Variants in TTC29 observed in about 807,000 individuals in gnomAD.
TTC29 encodes the protein tetratricopeptide repeat protein 29.
Under a neutral mutation model 58.1 loss-of-function variants are expected in TTC29, and 49 were observed. The ratio of observed to expected loss-of-function variants is 0.84; its 90% CI spans 0.67 to 1.07. The LOEUF is 1.07. Ranked by LOEUF, TTC29 falls within the 50% of genes least tolerant of loss-of-function variation. The probability of loss-of-function intolerance (pLI) is 0.00; values close to 1 mark genes in which losing one functional copy is unlikely to be tolerated. For missense variants in TTC29, 582 were observed against 555.6 expected, an observed-to-expected ratio of 1.05 and a Z score of -0.48; for synonymous variants, 209 against 196.8, an observed-to-expected ratio of 1.06 and a Z score of -0.52.
intron 11 of TTC29, among the ~76,000 whole-genome samples, chr4:146,761,908 C>A (rs185767146): frequency 6.6e-6 from 1 of 151,760 alleles, no homozygotes; most frequent in South Asian, 2.1e-4. Flanking sequence ...GCCTTTGTGA[C>A]GGACATTCTT....
chr4:146,905,721 A>G (rs62328049), intron 5 of TTC29, among the ~76,000 whole-genome samples: 1 of 151,992 alleles, frequency 6.6e-6, no homozygotes, highest in Non-Finnish European at 1.5e-5. Context: ...CTTAAAAAGA[A>G]GATTCTACAA....
At chr4:146,803,327 A>G in intron 11 of TTC29, 130 bp downstream of exon 11, 1 of 662,368 alleles carries the variant, frequency 1.5e-6, no homozygotes, top group Non-Finnish European at 2.6e-6. Context: ...TCATGTAGTA[A>G]TGGATCCATA....
At chr4:146,797,603 G>A (rs945400389) in intron 11 of TTC29, among the ~76,000 whole-genome samples, 3 of 150,764 alleles carry the variant, frequency 2.0e-5, no homozygotes, top group African/African-American at 7.3e-5. Context: ...GATCTTTCTG[G>A]TTTTTTTTGT....
At chr4:146,892,083 G>A (rs1455834392) in intron 6 of TTC29, among the ~76,000 whole-genome samples, 1 of 152,120 alleles carries the variant, frequency 6.6e-6, no homozygotes, top group East Asian at 1.9e-4. Flanking sequence ...TGTTGGAGGA[G>A]GTATCTGGTG....
At chr4:146,817,088 T>G (rs553299568) in intron 10 of TTC29, among the ~76,000 whole-genome samples, 115 of 152,218 alleles carry the variant, frequency 7.6e-4, no homozygotes, top group African/African-American at 2.7e-3. Flanking sequence ...CCAGGGCAAT[T>G]AGGCAGGAGA....
chr4:146,862,938 C>T (rs182983143), intron 8 of TTC29, among the ~76,000 whole-genome samples: 9 of 151,898 alleles, frequency 5.9e-5, no homozygotes, highest in South Asian at 4.2e-4. Flanking sequence ...CTGGCTAACA[C>T]GGTGAAACCC....
chr4:146,841,621 C>T (rs1382144037), intron 8 of TTC29, among the ~76,000 whole-genome samples: 2 of 151,792 alleles, frequency 1.3e-5, no homozygotes, highest in Non-Finnish European at 2.9e-5. Context: ...TGCTTGCCAC[C>T]CTTCCCATTG....
chr4:146,941,746 T>C (rs1736415968), intron 2 of TTC29, among the ~76,000 whole-genome samples: 1 of 152,194 alleles, frequency 6.6e-6, no homozygotes, highest in African/African-American at 2.4e-5. Flanking sequence ...ATACAGAGCA[T>C]AGAATTGACA....
At chr4:146,819,217 T>C in intron 10 of TTC29, among the ~76,000 whole-genome samples, 1 of 152,068 alleles carries the variant, frequency 6.6e-6, no homozygotes, top group East Asian at 1.9e-4. Context: ...ACAATAACTT[T>C]ATGAGGTGAG....
intron 11 of TTC29, among the ~76,000 whole-genome samples, chr4:146,747,017 G>A (rs1286676150): frequency 3.3e-5 from 5 of 152,046 alleles, no homozygotes; most frequent in East Asian, 3.9e-4. Context: ...CTGCCACCCC[G>A]TCCCCCAGAT....
chr4:146,925,827 T>G (rs1217117913), intron 4 of TTC29, among the ~76,000 whole-genome samples: 1 of 152,190 alleles, frequency 6.6e-6, no homozygotes, highest in Non-Finnish European at 1.5e-5. Flanking sequence ...AGGGTAGTCC[T>G]GGAAATACTG....
rs577201206 is a variant in TTC29, at chr4:146,873,013, A to C, written c.799+1703T>G. Among the ~76,000 whole-genome samples the C allele has an allele frequency of 2.0e-5, 3 of 152,286 alleles. No individual in the cohort carries two copies. The East Asian group carries it at 5.8e-4, about 29-fold the overall frequency. ...AAATGTGGTATAACCATGCCATAGA[A>C]GGCGATTTGGCCCTATATGATGGAT... On this transcript the variant is annotated intron_variant, in intron 7 of 12. Coordinates refer to ENST00000325106, the MANE Select transcript of TTC29 (RefSeq NM_031956.4).
chr4:146,714,252 A>G (rs1355960273), intron 11 of TTC29, among the ~76,000 whole-genome samples: 1 of 152,312 alleles, frequency 6.6e-6, no homozygotes, highest in South Asian at 2.1e-4. Context: ...TAGAATTAGG[A>G]ACAAAAACAA....
chr4:146,737,725 A>T (rs1263554761), intron 11 of TTC29, among the ~76,000 whole-genome samples: 1 of 151,996 alleles, frequency 6.6e-6, no homozygotes, highest in African/African-American at 2.4e-5. Flanking sequence ...ATGGGTTTGG[A>T]TGGCCATCGT....
intron 6 of TTC29, among the ~76,000 whole-genome samples, chr4:146,880,344 T>C (rs1261205225): frequency 6.6e-6 from 1 of 152,090 alleles, no homozygotes; most frequent in Non-Finnish European, 1.5e-5. Context: ...GTTTTTTACC[T>C]AAAGGAACAA....
At chr4:146,941,272 C>T (rs1736365866) in intron 2 of TTC29, among the ~76,000 whole-genome samples, 1 of 152,164 alleles carries the variant, frequency 6.6e-6, no homozygotes, top group African/African-American at 2.4e-5. Flanking sequence ...AGCTGAAAGG[C>T]TTGTTTTAGG....
At position 146,773,568 on chromosome 4, in the gene TTC29, C is replaced by T. The variant is rs186506009; in HGVS notation, c.1330+29889G>A. 1.6e-3 allele frequency among the ~76,000 whole-genome samples: 245 copies of T among 152,180 alleles called. 3 individuals carry two copies. The highest frequency in any genetic ancestry group is 1.6e-3 in the Admixed American group (25 of 15,278). On this transcript the variant is annotated intron_variant, in intron 11 of 12. Transcript: ENST00000325106. ...AATCTTGCATACCAGAGCTTACAGACTACTTGATCATAGGCTCTAATCTAC... is the reference window on the plus strand; with the variant it reads ...AATCTTGCATACCAGAGCTTACAGATTACTTGATCATAGGCTCTAATCTAC...
intron 6 of TTC29, among the ~76,000 whole-genome samples, chr4:146,891,557 T>C (rs762491594): frequency 6.6e-6 from 1 of 152,196 alleles, no homozygotes; most frequent in Non-Finnish European, 1.5e-5. Context: ...ATCACCATCA[T>C]GTACAACATC....
At chr4:146,943,877 T>G (rs1319704403) in intron 2 of TTC29, among the ~76,000 whole-genome samples, 4 of 152,174 alleles carry the variant, frequency 2.6e-5, no homozygotes, top group Non-Finnish European at 2.9e-5. Flanking sequence ...AGTTCCCATG[T>G]GAGCTCCAAT....
Sources: allele counts gnomAD v4.1 joint callset (sites outside exome capture counted in the v4.1 genomes callset), GRCh38; gene constraint gnomAD v4.1.1; transcripts MANE v1.5; gene names NCBI Gene and HGNC (gene_info 2026-07-23, HGNC 2026-07-21).